The following SCLY variants were observed in gnomAD, a reference collection of about 807,000 sequenced individuals.
The protein encoded by SCLY is selenocysteine lyase, also known as putative selenocysteine lyase.
SCLY carries 38 observed loss-of-function variants against 50.1 expected under a neutral mutation model. That is an observed-to-expected ratio of 0.76 (90% CI 0.59 to 0.99). SCLY has a LOEUF of 0.99. Ranked by LOEUF, SCLY falls within the 50% of genes least tolerant of loss-of-function variation. The pLI is 0.00. For missense variants in SCLY, 600 were observed against 620.0 expected, an observed-to-expected ratio of 0.97 and a Z score of 0.34; for synonymous variants, 243 against 249.4, an observed-to-expected ratio of 0.97 and a Z score of 0.24.
intron 3 of SCLY, among the ~76,000 whole-genome samples, chr2:238,068,540 C>A (rs756581349): frequency 6.6e-6 from 1 of 152,112 alleles, no homozygotes; most frequent in Non-Finnish European, 1.5e-5. Context: ...GAGAGTGAGA[C>A]CCTGTCTCAG....
At chr2:238,094,649 C>A in intron 10 of SCLY, 127 bp downstream of exon 10, 1 of 810,276 alleles carries the variant, frequency 1.2e-6, no homozygotes, top group Non-Finnish European at 2.0e-6. Flanking sequence ...TGTCAGAGGG[C>A]CTTGCTGGGG....
intron 8 of SCLY, chr2:238,092,386 A>T (rs2065372773): frequency 6.6e-6 from 1 of 152,364 alleles, no homozygotes; most frequent in Admixed American, 6.5e-5. Flanking sequence ...GCCCAGCCGG[A>T]AGAGTGTGTT....
chr2:238,061,347 G>C, intron 1 of SCLY: 1 of 702,070 alleles, frequency 1.4e-6, no homozygotes, highest in East Asian at 2.8e-5. Flanking sequence ...GGCCCACGGA[G>C]AGGTGACTTT....
intron 7 of SCLY, among the ~76,000 whole-genome samples, chr2:238,084,609 A>G (rs1014314920): frequency 3.3e-4 from 47 of 143,946 alleles, no homozygotes; most frequent in Non-Finnish European, 4.9e-4. Flanking sequence ...AAAAAAAAAA[A>G]AAAAGCCCAG....
chr2:238,069,396 A>G lies in SCLY; in HGVS notation c.403A>G (p.Lys135Glu). The change falls in exon 4 of 12, where the codon AAG (lysine) becomes GAG (glutamate). Residue 135 changes from lysine to glutamate, a missense_variant. By Grantham distance (56) the Lys-to-Glu change is moderately conservative. Coordinates refer to ENST00000254663, the MANE Select transcript of SCLY (RefSeq NM_016510.7). The surrounding 1 kb of genome is among the most constrained non-coding windows in gnomAD (Gnocchi z 5.0). ...GCACCACAGCCCAGTGAAGGGGGCC[A>G]AGCCCCATTTCATTACTTCCTCGGT... ...GGHHSPVKGA[K>E]PHFITSSVEH... The G allele has an allele frequency of 6.2e-7, 1 of 1,614,084 alleles. No individual in the cohort carries two copies. The highest frequency in any genetic ancestry group is 8.5e-7 in the Non-Finnish European group (1 of 1,179,956).
At chr2:238,085,177 A>G (rs1038868169) in intron 7 of SCLY, among the ~76,000 whole-genome samples, 4 of 152,250 alleles carry the variant, frequency 2.6e-5, no homozygotes, top group Non-Finnish European at 4.4e-5. Context: ...ATTTTACAGC[A>G]GACACAGTAA....
intron 8 of SCLY, chr2:238,091,517 C>CTTTTTTA: frequency 5.5e-5 from 27 of 487,896 alleles, no homozygotes; most frequent in Admixed American, 2.0e-4. Flanking sequence ...GATACTGTTA[C>CTTTTTTA]AGCAGAGGTG....
chr2:238,061,385 G>A, intron 1 of SCLY: 1 of 673,700 alleles, frequency 1.5e-6, no homozygotes, highest in Non-Finnish European at 2.8e-6. Context: ...GACTTCCAGG[G>A]GTGAGGTTTG....
In SCLY at chr2:238,061,283, A is replaced by G. The variant is rs542609473; in HGVS notation, c.89+140A>G. Reference sequence around the variant, plus strand: ...GCGGGGATGTCCGCGAGGTCGGCCTAAGTCAGGGATGCGAGCTTCAAGGAG... The same window carrying G: ...GCGGGGATGTCCGCGAGGTCGGCCTGAGTCAGGGATGCGAGCTTCAAGGAG... On this transcript the variant is annotated intron_variant, in intron 1 of 11. Transcript: ENST00000254663. 1.5e-4 allele frequency: 111 copies of G among 739,222 alleles called. No homozygotes were observed. In the East Asian group the frequency reaches 2.1e-3, roughly 14 times the overall value. 45.8% of individuals were successfully genotyped at this position (739,222 alleles called of 1,614,324 possible).
intron 8 of SCLY, chr2:238,091,561 G>GAGT: frequency 6.9e-5 from 21 of 302,666 alleles, no homozygotes; most frequent in South Asian, 2.2e-4. Context: ...ATTCCCAAAG[G>GAGT]CGTCGGCAGC....
At chr2:238,063,340 C>A (rs2065037118) in intron 1 of SCLY, among the ~76,000 whole-genome samples, 1 of 151,162 alleles carries the variant, frequency 6.6e-6, no homozygotes, top group African/African-American at 2.4e-5. Context: ...GCAACCTCTG[C>A]CTCCTGGGTT....
chr2:238,082,173 C>A lies in SCLY; in HGVS notation c.741C>A (p.Asp247Glu). 1 of 1,611,584 alleles carries A rather than the reference C, an allele frequency of 6.2e-7. No homozygotes were observed. The highest frequency in any genetic ancestry group is 8.5e-7 in the Non-Finnish European group (1 of 1,179,428). ...GGAAGCAGCGCGTGGATGTGGAGGA[C>A]CTGGGCGTGGACTTCCTTACAATCG... ...ALGKQRVDVE[D>E]LGVDFLTIVG... Residue 247 changes from aspartate to glutamate, a missense_variant, in exon 6 of 12, where the codon GAC becomes GAA. Transcript: ENST00000254663.
At chr2:238,076,641 C>T (rs921561831) in intron 4 of SCLY, among the ~76,000 whole-genome samples, 1 of 150,506 alleles carries the variant, frequency 6.6e-6, no homozygotes, top group Non-Finnish European at 1.5e-5. Flanking sequence ...ATCTGCTGAC[C>T]TTCCCTCCAC....
chr2:238,067,429 T>A lies in SCLY; in HGVS notation c.203-636T>A, dbSNP rs1030942490. Among the ~76,000 whole-genome samples the A allele has an allele frequency of 1.3e-5, 2 of 152,222 alleles. No individual in the cohort carries two copies. Among genetic ancestry groups the A allele is most frequent in the African/African-American group, 4.8e-5 (2 of 41,464 alleles). ...CTCCTGGTGTGTACACTAAGAATGG[T>A]CACTGAAACTTTCGGCATTCCCATG... On this transcript the variant is annotated intron_variant, in intron 2 of 11. Coordinates refer to ENST00000254663, the MANE Select transcript of SCLY (RefSeq NM_016510.7). This position sits in a 1 kb window ranked among gnomAD's most constrained non-coding sequence, Gnocchi z 4.3.
intron 1 of SCLY, 80 bp downstream of exon 1, chr2:238,061,223 C>G (rs766182691): frequency 9.0e-7 from 1 of 1,113,832 alleles, no homozygotes. Context: ...AAGGGGGCTC[C>G]CGGCCTGTGG....
intron 7 of SCLY, among the ~76,000 whole-genome samples, chr2:238,088,419 G>A (rs938460449): frequency 6.6e-5 from 10 of 152,068 alleles, no homozygotes; most frequent in African/African-American, 2.2e-4. Flanking sequence ...TGAGATGGCA[G>A]CACCACACTT....
chr2:238,087,455 TATAAA>T (rs1378149250), intron 7 of SCLY, among the ~76,000 whole-genome samples: 1 of 152,214 alleles, frequency 6.6e-6, no homozygotes, highest in African/African-American at 2.4e-5. Context: ...ACTCACTTGA[TATAAA>T]ATAGATCATT....
intron 4 of SCLY, among the ~76,000 whole-genome samples, chr2:238,078,044 C>A (rs1456065621): frequency 6.6e-6 from 1 of 151,782 alleles, no homozygotes; most frequent in South Asian, 2.1e-4. Flanking sequence ...ACCTACGCCT[C>A]CCAGGTTCAA....
At chr2:238,096,723 C>T (rs1574718722) in intron 10 of SCLY, 78 bp from the exon 11 acceptor site, 3 of 1,485,420 alleles carry the variant, frequency 2.0e-6, no homozygotes, top group African/African-American at 2.8e-5. Context: ...CAGCCTGCGC[C>T]CAGCAGGACC....
Sources: allele counts gnomAD v4.1 joint callset (sites outside exome capture counted in the v4.1 genomes callset), GRCh38; gene constraint gnomAD v4.1.1; non-coding constraint Gnocchi (gnomAD v3.1); transcripts MANE v1.5; gene names NCBI Gene and HGNC (gene_info 2026-07-23, HGNC 2026-07-21).